Variants in INPP5K observed in about 807,000 individuals in gnomAD.
INPP5K encodes inositol polyphosphate 5-phosphatase K.
INPP5K carries 35 observed loss-of-function variants against 53.5 expected under a neutral mutation model. The observed-to-expected ratio is 0.65, with a 90% CI of 0.50 to 0.87. The LOEUF is 0.87. Among genes scored for constraint, INPP5K ranks in the 40% least tolerant of loss-of-function variants. The pLI is 0.00. For missense variants in INPP5K, 550 were observed against 586.2 expected (o/e 0.94, Z 0.64); for synonymous variants, 253 against 232.8 (o/e 1.09, Z -0.79).
Position 1,516,445 on chromosome 17 carries a change from G to A in INPP5K, c.44+11C>T. ...CGAGCAGGCCTGCCTCTGCCGCCAG[G>A]GTGCCCTCACCTGAGCCTCCTGCCT... On this transcript the variant is annotated intron_variant, in intron 1 of 11. Coordinates refer to ENST00000421807, the MANE Select transcript of INPP5K (RefSeq NM_016532.4). 6.3e-7 allele frequency: 1 copy of A among 1,590,624 alleles called. No individual in the cohort carries two copies. The highest frequency in any genetic ancestry group is 8.5e-7 in the Non-Finnish European group (1 of 1,176,414).
intron 7 of INPP5K, among the ~76,000 whole-genome samples, chr17:1,501,767 C>A (rs895326435): frequency 6.6e-5 from 10 of 152,154 alleles, no homozygotes; most frequent in African/African-American, 2.4e-4. Flanking sequence ...GCCTGTAATC[C>A]CAGCACTGTG....
rs561980173 is a variant in INPP5K at position 1,515,507 on chromosome 17, TA to T, written c.44+948del. The T allele has an allele frequency of 4.2e-4, 416 of 985,500 alleles. 1 individual carries two copies. In the African/African-American group the frequency reaches 6.8e-3, roughly 16 times the overall value. The allele number at this position is 985,500 out of a possible 1,614,324, so 61.0% of individuals were successfully genotyped here. ...TGCGGAGCACAGAGCGGGCAGGAGC[TA>T]CAGACCCTGCAGAGACCAGGAACAG... is the stretch of plus-strand genomic sequence containing the variant. On this transcript the variant is annotated intron_variant, in intron 1 of 11. Coordinates refer to ENST00000421807, the MANE Select transcript of INPP5K (RefSeq NM_016532.4).
intron 7 of INPP5K, among the ~76,000 whole-genome samples, chr17:1,503,463 G>A (rs1255240896): frequency 2.0e-5 from 3 of 152,142 alleles, no homozygotes; most frequent in Non-Finnish European, 2.9e-5. Context: ...GATTTCAGGC[G>A]TGAGCCACCG....
intron 6 of INPP5K, 141 bp downstream of exon 6, chr17:1,507,974 G>C: frequency 1.4e-6 from 1 of 695,172 alleles, no homozygotes. Flanking sequence ...CCCTGGATGC[G>C]AAGCCCTGCT....
chr17:1,502,090 C>T (rs1043730216), intron 7 of INPP5K, among the ~76,000 whole-genome samples: 3 of 151,752 alleles, frequency 2.0e-5, no homozygotes, highest in East Asian at 3.9e-4. Context: ...TGGCTCACGC[C>T]TGTAATCCCA....
At chr17:1,511,737 T>C (rs1414775594) in intron 3 of INPP5K, among the ~76,000 whole-genome samples, 1 of 152,048 alleles carries the variant, frequency 6.6e-6, no homozygotes, top group African/African-American at 2.4e-5. Flanking sequence ...AGGGTCAGGA[T>C]TGAAGCAAGG....
At chr17:1,502,072 A>G (rs1260488936) in intron 7 of INPP5K, among the ~76,000 whole-genome samples, 28 of 125,308 alleles carry the variant, frequency 2.2e-4, no homozygotes, top group Admixed American at 3.2e-4. Context: ...ACATAGGGCC[A>G]GGCACGGTGG....
intron 1 of INPP5K, chr17:1,516,152 G>A: frequency 7.9e-7 from 1 of 1,258,888 alleles, no homozygotes; most frequent in Non-Finnish European, 1.0e-6. Flanking sequence ...TTCTAACCGA[G>A]AGCCGAAGGG....
intron 7 of INPP5K, among the ~76,000 whole-genome samples, chr17:1,501,194 G>A (rs893801722): frequency 2.0e-5 from 3 of 152,076 alleles, no homozygotes; most frequent in Non-Finnish European, 2.9e-5. Flanking sequence ...TCCTGACCTT[G>A]TGATCCGCCC....
intron 7 of INPP5K, 93 bp downstream of exon 7, chr17:1,506,887 C>G (rs535846565): frequency 8.2e-6 from 7 of 854,434 alleles, no homozygotes; most frequent in Non-Finnish European, 1.3e-5. Flanking sequence ...ATTCCTGCCC[C>G]CCCTAACACT....
intron 7 of INPP5K, among the ~76,000 whole-genome samples, chr17:1,503,284 C>T (rs910646355): frequency 2.7e-5 from 4 of 150,040 alleles, no homozygotes; most frequent in African/African-American, 4.9e-5. Flanking sequence ...CCTGGGTTCA[C>T]GCCATTCTCC....
intron 8 of INPP5K, 56 bp from the exon 9 acceptor site, chr17:1,496,859 G>C: frequency 6.3e-7 from 1 of 1,580,220 alleles, no homozygotes; most frequent in South Asian, 1.1e-5. Context: ...CCTCCTCTGA[G>C]GCCAAGTGTT....
At position 1,495,273 on chromosome 17, in the gene INPP5K, C is replaced by T. The variant is rs2074798697; in HGVS notation, c.*550G>A. On this transcript the variant is annotated 3_prime_UTR_variant, in exon 12 of 12. Coordinates refer to ENST00000421807, the MANE Select transcript of INPP5K (RefSeq NM_016532.4). ...AAGAGCCTGGCTAGAGGGGCCCCTC[C>T]ATTCTGCCCACTGAGTCAGACTGCT... 1 of 152,686 alleles carries T rather than the reference C, an allele frequency of 6.5e-6. No homozygotes were observed. Among genetic ancestry groups the T allele is most frequent in the African/African-American group, 2.4e-5 (1 of 41,474 alleles). The allele number at this position is 152,686 out of a possible 1,614,324, so 9.5% of individuals were successfully genotyped here. A position where few individuals can be genotyped will look rare whatever the true frequency, so the allele number is the denominator to read the frequency against.
At chr17:1,509,594 A>G (rs1010215225) in intron 4 of INPP5K, 89 bp downstream of exon 4, 1 of 1,001,056 alleles carries the variant, frequency 1.0e-6, no homozygotes, top group African/African-American at 1.6e-5. Context: ...CAGAGGACCA[A>G]GATTCCTTTC....
intron 2 of INPP5K, 121 bp downstream of exon 2, chr17:1,513,751 T>C (rs2075365057): frequency 3.3e-6 from 3 of 905,628 alleles, no homozygotes; most frequent in Non-Finnish European, 5.2e-6. Context: ...GGACTGTCCC[T>C]GAAGCAGGCT....
At chr17:1,496,626 G>A (rs2074852391) in intron 9 of INPP5K, 40 bp downstream of exon 9, 4 of 1,611,022 alleles carry the variant, frequency 2.5e-6, no homozygotes, top group African/African-American at 2.7e-5. Context: ...ATGAACCAGG[G>A]GCTGTCGCTG....
rs79066524 is a variant in INPP5K, at chr17:1,499,776, C to A, written c.777-1654G>T. Among the ~76,000 whole-genome samples the A allele has an allele frequency of 1.7e-3, 254 of 152,262 alleles. 1 individual carries two copies. Among genetic ancestry groups the A allele is most frequent in the African/African-American group, 5.9e-3 (247 of 41,544 alleles). ...GTGTGGCGGGGGAGCAGGACAGCTG[C>A]GGTTTCTGGGTTCCACCCCCTTCAT... On this transcript the variant is annotated intron_variant, in intron 7 of 11. Coordinates refer to ENST00000421807, the MANE Select transcript of INPP5K (RefSeq NM_016532.4).
rs955183290 is a variant in INPP5K, at chr17:1,495,122, C to G, written c.*701G>C. On this transcript the variant is annotated 3_prime_UTR_variant, in exon 12 of 12. Transcript: ENST00000421807. ...ACTCAAGCTACCAACGGAAGCGAACCTGGATCCTTCCCAGTTCTCTCTGTC... is the reference window on the plus strand; with the variant it reads ...ACTCAAGCTACCAACGGAAGCGAACGTGGATCCTTCCCAGTTCTCTCTGTC... 8 of 152,376 alleles carry G rather than the reference C, an allele frequency of 5.3e-5. No individual in the cohort carries two copies. The highest frequency in any genetic ancestry group is 1.9e-4 in the African/African-American group (8 of 41,576). The allele number at this position is 152,376 out of a possible 1,614,324, so 9.4% of individuals were successfully genotyped here. A position where few individuals can be genotyped will look rare whatever the true frequency, so the allele number is the denominator to read the frequency against.
intron 7 of INPP5K, among the ~76,000 whole-genome samples, chr17:1,498,352 C>G (rs2074918314): frequency 6.6e-6 from 1 of 152,162 alleles, no homozygotes; most frequent in Non-Finnish European, 1.5e-5. Flanking sequence ...CTCTGTATGT[C>G]TAGCTCATGT....
Sources: gnomAD v4.1 joint callset for allele counts (sites outside exome capture counted in the v4.1 genomes callset) on GRCh38, gnomAD v4.1.1 for gene constraint, MANE v1.5 for transcripts, NCBI Gene and HGNC (gene_info 2026-07-23, HGNC 2026-07-21) for gene names.